Variants in SYT16 observed in about 807,000 individuals in gnomAD.
The protein encoded by SYT16 is synaptotagmin 16.
A neutral mutation model predicts 61.4 loss-of-function variants in SYT16; 42 were observed. The ratio of observed to expected loss-of-function variants is 0.68; its 90% CI spans 0.53 to 0.89. SYT16 has a LOEUF of 0.89. Among genes scored for constraint, SYT16 ranks in the 40% least tolerant of loss-of-function variants. The probability of loss-of-function intolerance (pLI) is 0.00; values close to 1 mark genes in which losing one functional copy is unlikely to be tolerated. For synonymous variants in SYT16, 314 were observed against 302.3 expected, an observed-to-expected ratio of 1.04 and a Z score of -0.40; for missense variants, 804 against 807.3, an observed-to-expected ratio of 1.00 and a Z score of 0.05.
intron 1 of SYT16, among the ~76,000 whole-genome samples, chr14:61,839,817 A>G (rs959888211): frequency 4.0e-5 from 6 of 149,686 alleles, no homozygotes; most frequent in African/African-American, 7.3e-5. Flanking sequence ...CCAGTTCCTC[A>G]GGGCTAACTG....
At chr14:61,865,922 C>T (rs944807180) in intron 1 of SYT16, among the ~76,000 whole-genome samples, 15 of 151,980 alleles carry the variant, frequency 9.9e-5, no homozygotes, top group African/African-American at 2.2e-4. Flanking sequence ...CTTAGTCTTA[C>T]GAAATTGATC....
rs61559295 is a variant in SYT16, at chr14:61,818,677, C to CAAA, written c.-325+5883_-325+5885dup. Among the ~76,000 whole-genome samples the CAAA allele has an allele frequency of 7.2e-3, 537 of 74,368 alleles. 1 individual carries two copies. Among genetic ancestry groups the CAAA allele is most frequent in the African/African-American group, 0.023 (504 of 21,466 alleles). 48.8% of individuals were successfully genotyped at this position (74,368 alleles called of 152,430 possible). On this transcript the variant is annotated intron_variant, in intron 1 of 7. Transcript: ENST00000683842. ...TGGGAGACACAGTGAGACTCTGTCTCAAAAAAAAAAAAAAAAAACAGCATT... is the reference window on the plus strand; with the variant it reads ...TGGGAGACACAGTGAGACTCTGTCTCAAAAAAAAAAAAAAAAAAAAACAGCATT...
At chr14:61,875,531 A>G (rs780524187) in intron 1 of SYT16, among the ~76,000 whole-genome samples, 9 of 152,218 alleles carry the variant, frequency 5.9e-5, no homozygotes, top group African/African-American at 1.2e-4. Flanking sequence ...GGTTGTGGCA[A>G]TAAACACCAG....
At chr14:61,847,238 T>C (rs889110729) in intron 1 of SYT16, among the ~76,000 whole-genome samples, 1 of 152,208 alleles carries the variant, frequency 6.6e-6, no homozygotes, top group Non-Finnish European at 1.5e-5. Flanking sequence ...ACAGGTCTGG[T>C]GTTATTGAAA....
At chr14:62,067,799 TAAA>T (rs869061971) in intron 3 of SYT16, among the ~76,000 whole-genome samples, 2 of 144,350 alleles carry the variant, frequency 1.4e-5, no homozygotes, top group Middle Eastern at 6.8e-3. Context: ...CTGTCTCTAC[TAAA>T]ACAAACAAAC....
chr14:62,043,449 CCAGGCTGGAGTGCAGTGGTGTGAT>C (rs1243485912), intron 3 of SYT16, among the ~76,000 whole-genome samples: 2 of 148,922 alleles, frequency 1.3e-5, no homozygotes, highest in African/African-American at 5.0e-5. Flanking sequence ...TCTCTGTCGC[CCAGGCTGGAGTGCAGTGGTGTGAT>C]CTCAGCACAC....
intron 1 of SYT16, among the ~76,000 whole-genome samples, chr14:61,835,860 T>G (rs1460507879): frequency 6.6e-6 from 1 of 152,150 alleles, no homozygotes; most frequent in African/African-American, 2.4e-5. Context: ...GGAACAAAAA[T>G]TTTCCTACCT....
At chr14:62,043,002 T>C (rs866176002) in intron 3 of SYT16, among the ~76,000 whole-genome samples, 17 of 152,218 alleles carry the variant, frequency 1.1e-4, no homozygotes, top group African/African-American at 3.4e-4. Flanking sequence ...TTTATGTCTA[T>C]GTGGTGGTAA....
intron 3 of SYT16, among the ~76,000 whole-genome samples, chr14:62,015,327 T>A (rs1435816184): frequency 6.6e-6 from 1 of 152,098 alleles, no homozygotes; most frequent in Non-Finnish European, 1.5e-5. Context: ...ATAAACCTAA[T>A]CTTAGCTGTC....
At chr14:61,981,728 A>G (rs1053537848) in intron 2 of SYT16, among the ~76,000 whole-genome samples, 5 of 152,122 alleles carry the variant, frequency 3.3e-5, no homozygotes, top group Admixed American at 6.6e-5. Flanking sequence ...CTGGAGATGG[A>G]GGCATTAGGT....
At chr14:62,001,616 GT>G (rs34088264) in intron 3 of SYT16, among the ~76,000 whole-genome samples, 79,086 of 151,588 alleles carry the variant, frequency 0.52, 21,583 homozygotes, top group East Asian at 0.75. Flanking sequence ...TATTAGGTCT[GT>G]GGGTTTAATG....
chr14:61,891,808 T>A (rs889949760), intron 1 of SYT16, among the ~76,000 whole-genome samples: 3 of 152,178 alleles, frequency 2.0e-5, no homozygotes, highest in Non-Finnish European at 4.4e-5. Context: ...GGTTGAAAGT[T>A]CTTATTTTGG....
Position 62,111,465 on chromosome 14 carries a change from T to C in SYT16, c.*10758T>C, listed in dbSNP as rs1595434482. ...TATGCTTACTTTAATACATTATTTA[T>C]ATGTGCTAGACTGTGCTGAGTTTTG... is the stretch of plus-strand genomic sequence containing the variant. On this transcript the variant is annotated 3_prime_UTR_variant, in exon 8 of 8. Transcript: ENST00000683842. The C allele has an allele frequency of 6.6e-6, 1 of 151,274 alleles. No homozygotes were observed. Among genetic ancestry groups the C allele is most frequent in the Non-Finnish European group, 1.5e-5 (1 of 67,974 alleles). 9.4% of individuals were successfully genotyped at this position (151,274 alleles called of 1,614,324 possible). A position where few individuals can be genotyped will look rare whatever the true frequency, so the allele number is the denominator to read the frequency against.
Position 61,952,012 on chromosome 14 carries a change from C to T in SYT16, c.-324-18120C>T, listed in dbSNP as rs149216459. Among the ~76,000 whole-genome samples, 6 of 152,194 alleles carry T rather than the reference C, an allele frequency of 3.9e-5. No homozygotes were observed. The East Asian group carries it at 1.2e-3, about 29-fold the overall frequency. ...CCATGTTGCCCAGGCTGGTTTCGAA[C>T]TCCTGGGCTCAAGCGTCCTTCTGCC... On this transcript the variant is annotated intron_variant, in intron 1 of 7. Coordinates refer to ENST00000683842, the MANE Select transcript of SYT16 (RefSeq NM_001367656.1).
intron 3 of SYT16, among the ~76,000 whole-genome samples, chr14:62,049,258 GT>G (rs1263985305): frequency 6.6e-6 from 1 of 152,060 alleles, no homozygotes; most frequent in Non-Finnish European, 1.5e-5. Context: ...TTTGATCTTT[GT>G]TGGTTTAAAG....
intron 3 of SYT16, among the ~76,000 whole-genome samples, chr14:62,045,450 T>A (rs1050262821): frequency 2.6e-5 from 4 of 152,064 alleles, no homozygotes; most frequent in South Asian, 2.1e-4. Flanking sequence ...TTTTCTTTTT[T>A]AAAATTTTAT....
At position 62,111,457 on chromosome 14, in the gene SYT16, ATTAT is replaced by A. The variant is rs1241742482; in HGVS notation, c.*10755_*10758del. On this transcript the variant is annotated 3_prime_UTR_variant, in exon 8 of 8. Coordinates refer to ENST00000683842, the MANE Select transcript of SYT16 (RefSeq NM_001367656.1). ...TTCTATTCTATGCTTACTTTAATAC[ATTAT>A]TTATATGTGCTAGACTGTGCTGAGT... The A allele has an allele frequency of 2.6e-5, 4 of 151,190 alleles. No individual in the cohort carries two copies. Among genetic ancestry groups the A allele is most frequent in the Non-Finnish European group, 5.9e-5 (4 of 67,956 alleles). The allele number at this position is 151,190 out of a possible 1,614,324, so 9.4% of individuals were successfully genotyped here.
At chr14:62,089,279 A>G (rs906484726) in intron 7 of SYT16, among the ~76,000 whole-genome samples, 3 of 151,140 alleles carry the variant, frequency 2.0e-5, no homozygotes, top group Non-Finnish European at 2.9e-5. Context: ...AGATCGCACT[A>G]CTGCACTCCA....
intron 1 of SYT16, among the ~76,000 whole-genome samples, chr14:61,899,543 C>A (rs558540371): frequency 6.6e-6 from 1 of 152,084 alleles, no homozygotes; most frequent in Non-Finnish European, 1.5e-5. Flanking sequence ...TTGAAAGGTA[C>A]AAAGCATCAG....
Sources: allele counts gnomAD v4.1 joint callset (sites outside exome capture counted in the v4.1 genomes callset), GRCh38; gene constraint gnomAD v4.1.1; transcripts MANE v1.5; gene names NCBI Gene and HGNC (gene_info 2026-07-23, HGNC 2026-07-21).